The following PPM1L variants were observed in gnomAD, a reference collection of about 807,000 sequenced individuals.
PPM1L encodes protein phosphatase 1L.
Under a neutral mutation model 31.4 loss-of-function variants are expected in PPM1L, and 13 were observed. The ratio of observed to expected loss-of-function variants is 0.41; its 90% confidence interval spans 0.27 to 0.66. The LOEUF is 0.66. Ranked by LOEUF, PPM1L falls within the 30% of genes least tolerant of loss-of-function variation. The pLI is 0.29. For missense variants in PPM1L, 326 were observed against 453.7 expected, an observed-to-expected ratio of 0.72 and a Z score of 2.56; for synonymous variants, 184 against 175.4, an observed-to-expected ratio of 1.05 and a Z score of -0.39.
chr3:160,948,059 C>T (rs929510968), intron 1 of PPM1L, among the ~76,000 whole-genome samples: 4 of 151,462 alleles, frequency 2.6e-5, no homozygotes, highest in Non-Finnish European at 5.9e-5. Context: ...TCTCTAGCAC[C>T]TAGCACAGTG....
Position 160,770,191 on chromosome 3 carries a change from C to T in PPM1L, c.399+13484C>T, listed in dbSNP as rs78278837. ...TTAAAAAGATATGCCATTATATTGA[C>T]TACAGATAATGTAATTTTGTCTCCT... On this transcript the variant is annotated intron_variant, in intron 1 of 3. Coordinates refer to ENST00000498165, the MANE Select transcript of PPM1L (RefSeq NM_139245.4). Among the ~76,000 whole-genome samples the T allele has an allele frequency of 2.1e-4, 32 of 152,238 alleles. No homozygotes were observed. The East Asian group carries it at 6.2e-3, about 29-fold the overall frequency.
intron 1 of PPM1L, among the ~76,000 whole-genome samples, chr3:160,786,203 ATATATTTTTT>A (rs1711925980): frequency 5.7e-5 from 4 of 69,942 alleles, no homozygotes; most frequent in African/African-American, 2.3e-4. Flanking sequence ...ATATATATAT[ATATATTTTTT>A]TTTTTTTTTT....
chr3:160,905,569 A>G (rs1427461777), intron 1 of PPM1L, among the ~76,000 whole-genome samples: 1 of 152,230 alleles, frequency 6.6e-6, no homozygotes, highest in Non-Finnish European at 1.5e-5. Context: ...AATCAGAATC[A>G]TAATCATAAT....
At position 160,975,742 on chromosome 3, in the gene PPM1L, A is replaced by G. The variant is rs925338087; in HGVS notation, c.574+13832A>G. ...TGATTTTGTATCCTGAGACTTTGCTAAAGTTGCTAATCAGCTTAAGGAGAT... is the reference window on the plus strand; with the variant it reads ...TGATTTTGTATCCTGAGACTTTGCTGAAGTTGCTAATCAGCTTAAGGAGAT... On this transcript the variant is annotated intron_variant, in intron 2 of 3. Transcript: ENST00000498165. Among the ~76,000 whole-genome samples, 505 of 152,258 alleles carry G rather than the reference A, an allele frequency of 3.3e-3. 5 individuals are homozygous for G. The highest frequency in any genetic ancestry group is 3.4e-3 in the Middle Eastern group (1 of 294).
intron 1 of PPM1L, among the ~76,000 whole-genome samples, chr3:160,760,646 ATTT>A (rs1331277530): frequency 2.0e-5 from 3 of 151,992 alleles, no homozygotes; most frequent in Non-Finnish European, 2.9e-5. Flanking sequence ...GATAAAAATG[ATTT>A]TTGTCTAGGA....
chr3:160,818,762 T>A (rs890011172), intron 1 of PPM1L, among the ~76,000 whole-genome samples: 1 of 152,034 alleles, frequency 6.6e-6, no homozygotes, highest in African/African-American at 2.4e-5. Context: ...ACTGTGATGT[T>A]TTGATACATG....
intron 1 of PPM1L, among the ~76,000 whole-genome samples, chr3:160,864,244 G>C (rs895517536): frequency 1.2e-4 from 18 of 152,124 alleles, no homozygotes; most frequent in African/African-American, 3.6e-4. Context: ...TTGCAGTGGT[G>C]TGATCACAGC....
At chr3:161,005,575 A>T (rs1576777308) in intron 2 of PPM1L, among the ~76,000 whole-genome samples, 1 of 152,238 alleles carries the variant, frequency 6.6e-6, no homozygotes. Context: ...CTGCGTTTAA[A>T]TTCTGGCTAT....
chr3:160,832,527 T>C (rs1713553399), intron 1 of PPM1L, among the ~76,000 whole-genome samples: 3 of 152,230 alleles, frequency 2.0e-5, no homozygotes, highest in Non-Finnish European at 4.4e-5. Context: ...TTTTTAATTT[T>C]ATGAGTCCCA....
chr3:160,978,779 G>A lies in PPM1L; in HGVS notation c.574+16869G>A, dbSNP rs545102590. ...CAGGAAGTTGAGGTTGCAGTGAGCC[G>A]TGTTCATGCTACTGTACTCCAGCCT... On this transcript the variant is annotated intron_variant, in intron 2 of 3. Transcript: ENST00000498165. Among the ~76,000 whole-genome samples the A allele has an allele frequency of 5.7e-4, 87 of 152,154 alleles. 2 individuals are homozygous for A. In the South Asian group the frequency reaches 0.014, roughly 25 times the overall value.
In PPM1L at chr3:160,756,753, G is replaced by A. The variant is rs753565518; in HGVS notation, c.399+46G>A. 2.8e-5 allele frequency: 11 copies of A among 399,190 alleles called. No individual in the cohort carries two copies. The highest frequency in any genetic ancestry group is 7.8e-5 in the South Asian group (2 of 25,602). 24.7% of individuals were successfully genotyped at this position (399,190 alleles called of 1,614,324 possible). A position where few individuals can be genotyped will look rare whatever the true frequency, so the allele number is the denominator to read the frequency against. On this transcript the variant is annotated intron_variant, in intron 1 of 3. Coordinates refer to ENST00000498165, the MANE Select transcript of PPM1L (RefSeq NM_139245.4). The surrounding 1 kb of genome is among the most constrained non-coding windows in gnomAD (Gnocchi z 6.2). ...TTGTATTTGTGTCCGTGTATGTCTC[G>A]TGTGTGTGTGTGTGTGTGTGTGTGT... is the stretch of plus-strand genomic sequence containing the variant.
At chr3:161,062,156 G>C (rs913302335) in intron 2 of PPM1L, among the ~76,000 whole-genome samples, 4 of 151,358 alleles carry the variant, frequency 2.6e-5, no homozygotes, top group African/African-American at 4.9e-5. Context: ...AAAAAAAAAA[G>C]CCTTTCTCAG....
intron 1 of PPM1L, among the ~76,000 whole-genome samples, chr3:160,919,088 C>T (rs1714296433): frequency 6.6e-6 from 1 of 152,082 alleles, no homozygotes. Flanking sequence ...TCTTTGAAAT[C>T]CTTTTTATAT....
intron 1 of PPM1L, among the ~76,000 whole-genome samples, chr3:160,920,833 T>C (rs1260942633): frequency 6.6e-6 from 1 of 152,096 alleles, no homozygotes; most frequent in Non-Finnish European, 1.5e-5. Flanking sequence ...CCAATTGTAG[T>C]GTGAAATTTA....
At chr3:160,827,447 T>TTG (rs59524935) in intron 1 of PPM1L, among the ~76,000 whole-genome samples, 4,872 of 141,332 alleles carry the variant, frequency 0.034, 113 homozygotes, top group African/African-American at 0.048. Flanking sequence ...TGATATAAGT[T>TTG]TGTGTGTGTG....
At chr3:160,986,351 G>A (rs1716964073) in intron 2 of PPM1L, among the ~76,000 whole-genome samples, 1 of 152,124 alleles carries the variant, frequency 6.6e-6, no homozygotes, top group Non-Finnish European at 1.5e-5. Context: ...ATTGGTAAGA[G>A]GTTAGTCAGA....
At chr3:160,758,692 T>C (rs1484191441) in intron 1 of PPM1L, among the ~76,000 whole-genome samples, 1 of 152,226 alleles carries the variant, frequency 6.6e-6, no homozygotes, top group Non-Finnish European at 1.5e-5. Context: ...TAGTAGTATC[T>C]TGTGGTAAAT....
At chr3:160,914,664 C>T (rs1393246658) in intron 1 of PPM1L, among the ~76,000 whole-genome samples, 1 of 152,048 alleles carries the variant, frequency 6.6e-6, no homozygotes, top group Non-Finnish European at 1.5e-5. Context: ...GTATATGTGC[C>T]ACATTTTCTT....
intron 2 of PPM1L, among the ~76,000 whole-genome samples, chr3:160,981,279 T>C (rs1195209619): frequency 6.6e-6 from 1 of 152,198 alleles, no homozygotes; most frequent in African/African-American, 2.4e-5. Context: ...CTCATGTAGT[T>C]GCATTCAAGC....
Sources: gnomAD v4.1 joint callset for allele counts (sites outside exome capture counted in the v4.1 genomes callset) on GRCh38, gnomAD v4.1.1 for gene constraint, Gnocchi (gnomAD v3.1) non-coding constraint, MANE v1.5 for transcripts, NCBI Gene and HGNC (gene_info 2026-07-23, HGNC 2026-07-21) for gene names.